Variants in IFT43 observed in about 807,000 individuals in gnomAD.
IFT43 encodes the protein intraflagellar transport 43, also known as intraflagellar transport protein 43 homolog.
Under a neutral mutation model 32.3 loss-of-function variants are expected in IFT43, and 33 were observed. The observed-to-expected ratio is 1.02, with a 90% CI of 0.77 to 1.37. The LOEUF is 1.37. IFT43 is among the 40% of genes most tolerant of loss of function. The pLI, the probability that IFT43 is intolerant of heterozygous loss-of-function variation, is 0.00. For synonymous variants in IFT43, 93 were observed against 98.2 expected (o/e 0.95, Z 0.31); for missense variants, 274 against 265.9 (o/e 1.03, Z -0.21).
Position 76,059,118 on chromosome 14 carries a change from C to T in IFT43, c.249-209C>T, listed in dbSNP as rs2037081859. 4.1e-6 allele frequency: 6 copies of T among 1,475,332 alleles called. No individual in the cohort carries two copies. In the Admixed American group the frequency reaches 8.7e-5, roughly 21 times the overall value. The allele number at this position is 1,475,332 out of a possible 1,614,324, so 91.4% of individuals were successfully genotyped here. A position where few individuals can be genotyped will look rare whatever the true frequency, so the allele number is the denominator to read the frequency against. Reference sequence around the variant, plus strand: ...CATTCATGTCATAGCCTCTGTGATGCTGTCCTCTGGAATAGTGCATCGCAC... The same window carrying T: ...CATTCATGTCATAGCCTCTGTGATGTTGTCCTCTGGAATAGTGCATCGCAC... On this transcript the variant is annotated intron_variant, in intron 4 of 8. Transcript: ENST00000314067.
At chr14:76,044,463 A>C (rs1445223755) in intron 3 of IFT43, among the ~76,000 whole-genome samples, 2 of 152,194 alleles carry the variant, frequency 1.3e-5, no homozygotes, top group Non-Finnish European at 2.9e-5. Context: ...ACCTGAATAC[A>C]TTCTTGCTCT....
At chr14:76,008,819 T>C (rs1332186273) in intron 2 of IFT43, among the ~76,000 whole-genome samples, 1 of 152,222 alleles carries the variant, frequency 6.6e-6, no homozygotes, top group Non-Finnish European at 1.5e-5. Flanking sequence ...CTTGGCACAG[T>C]GTTCAAGCTG....
chr14:76,078,219 A>G (rs1408827541), intron 5 of IFT43, among the ~76,000 whole-genome samples: 1 of 152,208 alleles, frequency 6.6e-6, no homozygotes, highest in Non-Finnish European at 1.5e-5. Context: ...TTCTAGGGAG[A>G]TGACTGGGTC....
intron 2 of IFT43, among the ~76,000 whole-genome samples, chr14:76,010,300 A>G (rs2036058466): frequency 1.3e-5 from 2 of 152,146 alleles, no homozygotes; most frequent in Admixed American, 6.5e-5. Context: ...GGAATTACCA[A>G]CCATTAGGTG....
At chr14:75,987,090 G>T (rs1043541150) in intron 1 of IFT43, among the ~76,000 whole-genome samples, 13 of 152,154 alleles carry the variant, frequency 8.5e-5, no homozygotes, top group African/African-American at 3.1e-4. Flanking sequence ...TCTATACAGG[G>T]TCTTCAAAAA....
At chr14:76,067,184 C>T (rs1043654377) in intron 5 of IFT43, among the ~76,000 whole-genome samples, 1 of 152,244 alleles carries the variant, frequency 6.6e-6, no homozygotes, top group South Asian at 2.1e-4. Context: ...GATGCATGCT[C>T]TCTTCCAGAC....
intron 1 of IFT43, 92 bp downstream of exon 1, chr14:75,985,932 G>A: frequency 6.4e-7 from 1 of 1,560,424 alleles, no homozygotes; most frequent in Non-Finnish European, 8.7e-7. Flanking sequence ...GCGACTCAGG[G>A]CGGCAGGCCT....
At chr14:75,996,991 G>A (rs11625323) in intron 2 of IFT43, among the ~76,000 whole-genome samples, 50,561 of 152,078 alleles carry the variant, frequency 0.33, 8,484 homozygotes, top group African/African-American at 0.38. Context: ...GTCAGGTAGA[G>A]GTGATTACAG....
intron 1 of IFT43, chr14:75,986,338 C>G: frequency 8.5e-7 from 1 of 1,176,000 alleles, no homozygotes; most frequent in Non-Finnish European, 1.1e-6. Flanking sequence ...GGGAGTTAAC[C>G]TCAGTTACCT....
At chr14:75,996,782 GATGAGTAGAAA>G (rs1170850188) in intron 2 of IFT43, among the ~76,000 whole-genome samples, 1 of 152,250 alleles carries the variant, frequency 6.6e-6, no homozygotes, top group Admixed American at 6.5e-5. Flanking sequence ...TCTGGGGGCA[GATGAGTAGAAA>G]ATGAAGAGGG....
At position 76,067,205 on chromosome 14, in the gene IFT43, T is replaced by C. The variant is rs543639929; in HGVS notation, c.295+7832T>C. Among the ~76,000 whole-genome samples, 21 of 152,326 alleles carry C rather than the reference T, an allele frequency of 1.4e-4. No homozygotes were observed. The South Asian group carries it at 3.7e-3, about 27-fold the overall frequency. ...TGCTCTCTTCCAGACCTCTGATGCC[T>C]AGGGATAGAAGACAAGCACTTTCTC... On this transcript the variant is annotated intron_variant, in intron 5 of 8. Coordinates refer to ENST00000314067, the MANE Select transcript of IFT43 (RefSeq NM_001102564.3).
At chr14:76,059,108 CT>C in intron 4 of IFT43, 1 of 1,464,034 alleles carries the variant, frequency 6.8e-7, no homozygotes, top group Non-Finnish European at 9.0e-7. Flanking sequence ...ATGTCATAGC[CT>C]CTGTGATGCT....
chr14:76,037,739 T>C lies in IFT43; in HGVS notation c.215+15345T>C, dbSNP rs201877231. On this transcript the variant is annotated intron_variant, in intron 3 of 8. Coordinates refer to ENST00000314067, the MANE Select transcript of IFT43 (RefSeq NM_001102564.3). The stretch of plus-strand genomic sequence containing the variant: ...GAACTGATTAAGAGCTGCAGCTGCC[T>C]TTGCCTTTGCATTACTATTAATAGT... Among the ~76,000 whole-genome samples the C allele has an allele frequency of 1.2e-4, 18 of 151,704 alleles. No homozygotes were observed. In the East Asian group the frequency reaches 3.5e-3, roughly 29 times the overall value.
At chr14:76,007,016 C>T (rs2035992411) in intron 2 of IFT43, among the ~76,000 whole-genome samples, 1 of 151,988 alleles carries the variant, frequency 6.6e-6, no homozygotes, top group Non-Finnish European at 1.5e-5. Flanking sequence ...TGCCACCATG[C>T]CTGGCTAATT....
chr14:76,049,394 C>T (rs1186193821), intron 3 of IFT43, among the ~76,000 whole-genome samples: 1 of 151,746 alleles, frequency 6.6e-6, no homozygotes, highest in African/African-American at 2.4e-5. Context: ...GCCGTACGCT[C>T]TTGGATTTTT....
chr14:76,004,935 C>T (rs2035953860), intron 2 of IFT43, among the ~76,000 whole-genome samples: 1 of 152,214 alleles, frequency 6.6e-6, no homozygotes, highest in African/African-American at 2.4e-5. Flanking sequence ...CTGTTTCTTT[C>T]CTAGATTTCC....
At chr14:75,994,550 A>G (rs2035706474) in intron 2 of IFT43, among the ~76,000 whole-genome samples, 1 of 152,204 alleles carries the variant, frequency 6.6e-6, no homozygotes, top group South Asian at 2.1e-4. Flanking sequence ...TTAGCACGGT[A>G]TCCGGCACAC....
intron 3 of IFT43, among the ~76,000 whole-genome samples, chr14:76,033,220 A>G (rs1406753226): frequency 6.6e-6 from 1 of 152,142 alleles, no homozygotes; most frequent in Non-Finnish European, 1.5e-5. Context: ...GTAATATAGG[A>G]TACTATGAAA....
At chr14:76,027,451 A>C (rs1475506594) in intron 3 of IFT43, among the ~76,000 whole-genome samples, 1 of 152,102 alleles carries the variant, frequency 6.6e-6, no homozygotes, top group Non-Finnish European at 1.5e-5. Context: ...GGCCGGGCGC[A>C]GTGGCTCACG....
Sources: allele counts gnomAD v4.1 joint callset (sites outside exome capture counted in the v4.1 genomes callset), GRCh38; gene constraint gnomAD v4.1.1; transcripts MANE v1.5; gene names NCBI Gene and HGNC (gene_info 2026-07-23, HGNC 2026-07-21).